Variants in ICA1 observed in about 807,000 individuals in gnomAD.
ICA1 encodes the protein 69 kDa islet cell autoantigen.
A neutral mutation model predicts 71.0 loss-of-function variants in ICA1; 40 were observed. That is an observed-to-expected ratio of 0.56 (90% confidence interval 0.44 to 0.73). ICA1 has a LOEUF of 0.73. Among genes scored for constraint, ICA1 ranks in the 30% least tolerant of loss-of-function variants. The pLI is 0.00. For synonymous variants in ICA1, 207 were observed against 209.5 expected (o/e 0.99, Z 0.10); for missense variants, 578 against 576.5 (o/e 1.00, Z -0.03).
chr7:8,245,922 C>A (rs923887581), intron 1 of ICA1, among the ~76,000 whole-genome samples: 20 of 152,136 alleles, frequency 1.3e-4, no homozygotes, highest in African/African-American at 4.8e-4. Context: ...ATAACAATGT[C>A]CCCTTAATGA....
chr7:8,229,669 T>G (rs1799664527), intron 3 of ICA1, among the ~76,000 whole-genome samples: 1 of 152,240 alleles, frequency 6.6e-6, no homozygotes, highest in Non-Finnish European at 1.5e-5. Context: ...TAAATATGAC[T>G]AAATTAATAA....
At chr7:8,120,064 G>A (rs1231658202) in intron 13 of ICA1, among the ~76,000 whole-genome samples, 4 of 152,160 alleles carry the variant, frequency 2.6e-5, no homozygotes, top group African/African-American at 9.7e-5. Flanking sequence ...CTCTGCAGCA[G>A]AAGACATGAA....
At chr7:8,200,331 A>C (rs1383464134) in intron 6 of ICA1, among the ~76,000 whole-genome samples, 1 of 104,024 alleles carries the variant, frequency 9.6e-6, no homozygotes, top group East Asian at 3.2e-4. Flanking sequence ...CCTTTAGCAC[A>C]GTTGAGCAAA....
intron 6 of ICA1, among the ~76,000 whole-genome samples, chr7:8,163,423 T>C (rs1314333785): frequency 1.3e-5 from 2 of 152,252 alleles, no homozygotes; most frequent in African/African-American, 4.8e-5. Flanking sequence ...AGGAGATAGC[T>C]CTGGCCTTAA....
intron 6 of ICA1, among the ~76,000 whole-genome samples, chr7:8,164,515 G>A (rs1805162228): frequency 1.3e-5 from 2 of 152,030 alleles, no homozygotes; most frequent in African/African-American, 4.8e-5. Flanking sequence ...TAATGTTATT[G>A]TCTAGCTTGC....
intron 6 of ICA1, among the ~76,000 whole-genome samples, chr7:8,163,913 T>C (rs371719948): frequency 2.4e-3 from 369 of 152,236 alleles, no homozygotes; most frequent in Non-Finnish European, 4.3e-3. Flanking sequence ...AGAAAAACAC[T>C]GGAGGCTTTT....
chr7:8,225,581 AC>A (rs1798364637), intron 4 of ICA1, among the ~76,000 whole-genome samples: 1 of 152,316 alleles, frequency 6.6e-6, no homozygotes, highest in Admixed American at 6.5e-5. Flanking sequence ...AGATGTACTC[AC>A]TGCTATGGAG....
chr7:8,217,234 T>G (rs555111959), intron 6 of ICA1, among the ~76,000 whole-genome samples: 4 of 152,296 alleles, frequency 2.6e-5, no homozygotes, highest in African/African-American at 9.6e-5. Context: ...CGATCAGAAA[T>G]AAAATGGACC....
chr7:8,138,128 C>T lies in ICA1; in HGVS notation c.1060+712G>A, dbSNP rs574685562. ...AGCTAAGGCTATAATTAGGCTGAAC[C>T]CTCTCAATGTCTTAGGATTACTTAA... On this transcript the variant is annotated intron_variant, in intron 12 of 13. Transcript: ENST00000402384. Among the ~76,000 whole-genome samples the T allele has an allele frequency of 4.6e-5, 7 of 152,182 alleles. No homozygotes were observed. In the South Asian group the frequency reaches 1.5e-3, roughly 32 times the overall value.
chr7:8,176,115 G>A (rs1395017078), intron 6 of ICA1, among the ~76,000 whole-genome samples: 2 of 152,244 alleles, frequency 1.3e-5, no homozygotes, highest in African/African-American at 4.8e-5. Context: ...TGCCAGGACT[G>A]GGGTTGGATG....
At chr7:8,205,005 C>T (rs139639656) in intron 6 of ICA1, among the ~76,000 whole-genome samples, 18 of 146,696 alleles carry the variant, frequency 1.2e-4, no homozygotes, top group East Asian at 2.0e-4. Context: ...GTCTAACTTA[C>T]GAAATCTAAC....
intron 1 of ICA1, among the ~76,000 whole-genome samples, chr7:8,242,984 G>C (rs1211514889): frequency 1.3e-5 from 2 of 152,112 alleles, no homozygotes; most frequent in Admixed American, 6.6e-5. Flanking sequence ...TTCTACCAGA[G>C]GTACAAAGAG....
intron 6 of ICA1, among the ~76,000 whole-genome samples, chr7:8,209,220 A>T (rs779415145): frequency 6.6e-6 from 1 of 152,238 alleles, no homozygotes; most frequent in African/African-American, 2.4e-5. Context: ...GAAATGTCAC[A>T]TGGAAAGATT....
intron 6 of ICA1, among the ~76,000 whole-genome samples, chr7:8,213,634 A>G (rs1794532438): frequency 6.6e-6 from 1 of 152,232 alleles, no homozygotes; most frequent in Non-Finnish European, 1.5e-5. Context: ...CAATGATTTC[A>G]GCAGTAATTA....
intron 12 of ICA1, among the ~76,000 whole-genome samples, chr7:8,137,819 C>A (rs74326932): frequency 0.032 from 4,949 of 152,318 alleles, 227 homozygotes; most frequent in African/African-American, 0.11. Context: ...CTACTTTTGA[C>A]AAAACTTTAA....
chr7:8,179,156 G>A (rs113721290), intron 6 of ICA1, among the ~76,000 whole-genome samples: 2,718 of 152,236 alleles, frequency 0.018, 70 homozygotes, highest in African/African-American at 0.06. Context: ...GTTGTCACCC[G>A]AGTCTCTAAA....
chr7:8,143,880 C>G lies in ICA1; in HGVS notation c.897G>C (p.Pro299=), dbSNP rs56155424. Residue 299 remains proline (P), a synonymous_variant, in exon 9 of 14, where the codon CCG becomes CCC. Transcript: ENST00000402384. ...GGAAGGAACCTGTGACTTACTGGCT[C>G]GGCTCCTGCACGGCTGCATCTGTAC... ...QESTDAAVQE[P]SQLISLEEEN... is the part of the protein sequence containing the mutation. 119 of 1,602,032 alleles carry G rather than the reference C, an allele frequency of 7.4e-5. No individual in the cohort carries two copies. Among genetic ancestry groups the G allele is most frequent in the Non-Finnish European group, 9.6e-5 (112 of 1,169,436 alleles).
chr7:8,199,541 T>C (rs1300205958), intron 6 of ICA1, among the ~76,000 whole-genome samples: 1 of 151,948 alleles, frequency 6.6e-6, no homozygotes, highest in Non-Finnish European at 1.5e-5. Context: ...TGAAACCCTG[T>C]CTCTACTAAA....
intron 8 of ICA1, among the ~76,000 whole-genome samples, chr7:8,155,702 T>G (rs1375169374): frequency 6.6e-6 from 1 of 152,186 alleles, no homozygotes; most frequent in Non-Finnish European, 1.5e-5. Flanking sequence ...CTCTGCTTTA[T>G]CAAAGAGTAA....
Sources: gnomAD v4.1 joint callset for allele counts (sites outside exome capture counted in the v4.1 genomes callset) on GRCh38, gnomAD v4.1.1 for gene constraint, MANE v1.5 for transcripts, NCBI Gene and HGNC (gene_info 2026-07-23, HGNC 2026-07-21) for gene names.